The following SAT1 variants were observed in gnomAD, a reference collection of about 807,000 sequenced individuals.
SAT1 encodes the protein spermidine/spermine N1-acetyltransferase 1, also known as diamine acetyltransferase 1.
SAT1 carries 1 observed loss-of-function variant against 14.7 expected under a neutral mutation model. The observed-to-expected ratio is 0.07, with a 90% CI of 0.02 to 0.32. The LOEUF (loss-of-function observed/expected upper bound fraction) is 0.32, where lower values mean the gene tolerates loss of function less well. Ranked by LOEUF, SAT1 falls within the 10% of genes least tolerant of loss-of-function variation. The probability of loss-of-function intolerance (pLI) is 1.00; values close to 1 mark genes in which losing one functional copy is unlikely to be tolerated. For synonymous variants in SAT1, 67 were observed against 46.1 expected, an observed-to-expected ratio of 1.45 and a Z score of -1.84; for missense variants, 77 against 129.1, an observed-to-expected ratio of 0.60 and a Z score of 1.96.
chrX:23,785,447 G>A lies in SAT1; in HGVS notation c.304+18G>A. 1.7e-6 allele frequency: 2 copies of A among 1,164,093 alleles called. No homozygotes were observed. Among genetic ancestry groups the A allele is most frequent in the South Asian group, 3.6e-5 (2 of 55,916 alleles). The stretch of plus-strand genomic sequence containing the variant: ...TTATAGAGGTACGATTGAGTTCGGA[G>A]CAGAGGGTCTGAAGAGAGTTCAGAG... On this transcript the variant is annotated intron_variant, in intron 4 of 5. Transcript: ENST00000379270.
At chrX:23,784,032 A>G in intron 3 of SAT1, 149 bp downstream of exon 3, 1 of 1,139,545 alleles carries the variant, frequency 8.8e-7, no homozygotes, top group South Asian at 2.1e-5. Context: ...TACTGAGGAA[A>G]AAAAAAAATT....
rs191760162 is a variant in SAT1 at position 23,786,072 on chromosome X, G to A, written c.*216G>A. The A allele has an allele frequency of 1.1e-3, 366 of 335,033 alleles. No homozygotes were observed. Among genetic ancestry groups the A allele is most frequent in the Non-Finnish European group, 1.7e-3 (335 of 192,919 alleles). The allele number at this position is 335,033 out of a possible 1,213,427, so 27.6% of individuals were successfully genotyped here. A position where few individuals can be genotyped will look rare whatever the true frequency, so the allele number is the denominator to read the frequency against. Reference sequence around the variant, plus strand: ...AGATCTTTCTCCTTGAATATCTTTCGATAAACAACAAGGTGGTGTGATCTT... The same window carrying A: ...AGATCTTTCTCCTTGAATATCTTTCAATAAACAACAAGGTGGTGTGATCTT... On this transcript the variant is annotated 3_prime_UTR_variant, in exon 6 of 6. Coordinates refer to ENST00000379270, the MANE Select transcript of SAT1 (RefSeq NM_002970.4).
Position 23,785,411 on chromosome X carries a change from G to A in SAT1, c.286G>A (p.Val96Met), listed in dbSNP as rs748119306. ...GKLLYLEDFF[V>M]MSDYRGFGIG... ...GTTATTGTATCTTGAGGACTTCTTCGTGATGAGTGATTATAGAGGTACGAT... is the reference window on the plus strand; with the variant it reads ...GTTATTGTATCTTGAGGACTTCTTCATGATGAGTGATTATAGAGGTACGAT... The change falls in exon 4 of 6, where the codon GTG becomes ATG. Residue 96 changes from valine (V) to methionine (M), a missense_variant. Coordinates refer to ENST00000379270, the MANE Select transcript of SAT1 (RefSeq NM_002970.4). The A allele has an allele frequency of 1.7e-6, 2 of 1,195,785 alleles. No individual in the cohort carries two copies. Among genetic ancestry groups the A allele is most frequent in the South Asian group, 1.8e-5 (1 of 56,662 alleles).
Position 23,785,279 on chromosome X carries a change from T to C in SAT1, c.203-49T>C, listed in dbSNP as rs745994814. 5 of 980,273 alleles carry C rather than the reference T, an allele frequency of 5.1e-6. No homozygotes were observed. In the African/African-American group the frequency reaches 7.6e-5, roughly 15 times the overall value. 80.8% of individuals were successfully genotyped at this position (980,273 alleles called of 1,213,427 possible). A position where few individuals can be genotyped will look rare whatever the true frequency, so the allele number is the denominator to read the frequency against. Reference sequence around the variant, plus strand: ...GCCTCTGATTCTGCAGCTGCAACTTTTATGGAATGTTTTCCTTCTCCACAT... The same window carrying C: ...GCCTCTGATTCTGCAGCTGCAACTTCTATGGAATGTTTTCCTTCTCCACAT... On this transcript the variant is annotated intron_variant, in intron 3 of 5. Transcript: ENST00000379270.
intron 3 of SAT1, 152 bp downstream of exon 3, chrX:23,784,035 A>C: frequency 2.6e-6 from 3 of 1,137,822 alleles, no homozygotes; most frequent in Non-Finnish European, 3.5e-6. Flanking sequence ...TGAGGAAAAA[A>C]AAAAATTAGA....
chrX:23,785,298 T>G (rs1410877278), intron 3 of SAT1, 30 bp from the exon 4 acceptor site: 1 of 1,074,894 alleles, frequency 9.3e-7, no homozygotes, highest in South Asian at 1.9e-5. Flanking sequence ...GTTTTCCTTC[T>G]CCACATCTCA....
intron 3 of SAT1, among the ~76,000 whole-genome samples, chrX:23,784,568 CTTTTTTTT>C (rs9306769): frequency 1.7e-5 from 1 of 60,601 alleles, no homozygotes; most frequent in Non-Finnish European, 2.9e-5. Flanking sequence ...TGTCAGATGC[CTTTTTTTT>C]TTTTTTTTTT....
At chrX:23,785,223 A>G (rs1601856679) in intron 3 of SAT1, 105 bp from the exon 4 acceptor site, 1 of 593,397 alleles carries the variant, frequency 1.7e-6, no homozygotes, top group Admixed American at 2.4e-5. Context: ...TCTGTAATAC[A>G]TGCATGTGTG....
At position 23,785,889 on chromosome X, in the gene SAT1, A is replaced by G; in HGVS notation, c.*33A>G. 1 of 1,100,327 alleles carries G rather than the reference A, an allele frequency of 9.1e-7. No homozygotes were observed. The allele number at this position is 1,100,327 out of a possible 1,213,427, so 90.7% of individuals were successfully genotyped here. On this transcript the variant is annotated 3_prime_UTR_variant, in exon 6 of 6. Transcript: ENST00000379270. ...TGCTGTAGATGACAACCTCCATTCT[A>G]TTTTAGAATAAATTCCCAACTTCTC...
In SAT1 at chrX:23,785,858, G is replaced by GT; in HGVS notation, c.*2_*3insT. 8.5e-7 allele frequency: 1 copy of GT among 1,172,923 alleles called. No homozygotes were observed. Among genetic ancestry groups the GT allele is most frequent in the South Asian group, 1.9e-5 (1 of 51,551 alleles). On this transcript the variant is annotated 3_prime_UTR_variant, in exon 6 of 6. Transcript: ENST00000379270. ...CTAAAAATGGCAACAGAGGAGTGAGGAGTGCTGCTGTAGATGACAACCTCC... is the reference window on the plus strand; with the variant it reads ...CTAAAAATGGCAACAGAGGAGTGAGGTAGTGCTGCTGTAGATGACAACCTCC...
In SAT1 at chrX:23,783,392, G is replaced by T; in HGVS notation, c.41G>T (p.Cys14Phe). Residue 14 changes from cysteine to phenylalanine, a missense_variant, in exon 1 of 6, where the codon TGC becomes TTC. By Grantham distance (205) the Cys-to-Phe change is radical. Coordinates refer to ENST00000379270, the MANE Select transcript of SAT1 (RefSeq NM_002970.4). ...ATCCGCCCAGCCACTGCCGCCGACT[G>T]CAGTGACATACTGCGGCTGATCAAG... is the stretch of plus-strand genomic sequence containing the variant. ...FVIRPATAAD[C>F]SDILRLIKEL... The T allele has an allele frequency of 8.3e-7, 1 of 1,211,084 alleles. No individual in the cohort carries two copies. Among genetic ancestry groups the T allele is most frequent in the Non-Finnish European group, 1.1e-6 (1 of 894,782 alleles).
At position 23,785,780 on chromosome X, in the gene SAT1, A is replaced by T. The variant is rs1229945436; in HGVS notation, c.440A>T (p.Asp147Val). ...TTCTATAAAAGAAGAGGTGCTTCTG[A>T]TCTGTCCAGTGAAGAGGGTTGGAGA... ...INFYKRRGAS[D>V]LSSEEGWRLF... Residue 147 changes from aspartate (D) to valine (V), a missense_variant, in exon 6 of 6, where the codon GAT (aspartate) becomes GTT (valine). Transcript: ENST00000379270. The T allele has an allele frequency of 8.3e-7, 1 of 1,210,093 alleles. No individual in the cohort carries two copies. The highest frequency in any genetic ancestry group is 2.2e-5 in the Admixed American group (1 of 45,874).
chrX:23,785,503 G>T lies in SAT1; in HGVS notation c.305-17G>T. ...AATGCTTACAATGACTTTTTAAATT[G>T]TACTCTTTCTTTTTAGGCTTTGGCA... On this transcript the variant is annotated splice_polypyrimidine_tract_variant and intron_variant, in intron 4 of 5. Coordinates refer to ENST00000379270, the MANE Select transcript of SAT1 (RefSeq NM_002970.4). The T allele has an allele frequency of 8.3e-7, 1 of 1,200,955 alleles. No individual in the cohort carries two copies. Among genetic ancestry groups the T allele is most frequent in the Non-Finnish European group, 1.1e-6 (1 of 885,590 alleles).
chrX:23,783,929 TAAG>T, intron 3 of SAT1, 46 bp downstream of exon 3: 2 of 1,210,922 alleles, frequency 1.7e-6, no homozygotes, highest in Non-Finnish European at 2.2e-6. Context: ...AAGTGTTATG[TAAG>T]AAGTAGTGTC....
intron 3 of SAT1, chrX:23,785,028 C>T (rs1403833179): frequency 9.6e-6 from 3 of 313,148 alleles, no homozygotes; most frequent in African/African-American, 2.6e-5. Flanking sequence ...GTAATGAAAG[C>T]GTTCTCGCTT....
At position 23,785,956 on chromosome X, in the gene SAT1, C is replaced by T. The variant is rs1291445762; in HGVS notation, c.*100C>T. ...TTGTAGTGAAATAATAGAATGAGCA[C>T]CCATTCCAAAGCTTTATTACCAGTG... On this transcript the variant is annotated 3_prime_UTR_variant, in exon 6 of 6. Coordinates refer to ENST00000379270, the MANE Select transcript of SAT1 (RefSeq NM_002970.4). The T allele has an allele frequency of 5.3e-6, 4 of 752,684 alleles. No individual in the cohort carries two copies. The Admixed American group carries it at 1.8e-4, about 34-fold the overall frequency. 62.0% of individuals were successfully genotyped at this position (752,684 alleles called of 1,213,427 possible).
chrX:23,785,387 T>C lies in SAT1; in HGVS notation c.262T>C (p.Leu88=). The stretch of plus-strand genomic sequence containing the variant: ...TACCTATGACCCGTGGATTGGCAAG[T>C]TATTGTATCTTGAGGACTTCTTCGT... ...YFTYDPWIGK[L]LYLEDFFVMS... Residue 88 remains leucine (L), a synonymous_variant, in exon 4 of 6, where the codon TTA becomes CTA. Transcript: ENST00000379270. The C allele has an allele frequency of 8.3e-7, 1 of 1,207,389 alleles. No homozygotes were observed. Among genetic ancestry groups the C allele is most frequent in the Non-Finnish European group, 1.1e-6 (1 of 891,315 alleles).
chrX:23,783,574 C>CCCCCCCAA, intron 1 of SAT1, 84 bp from the exon 2 acceptor site: 1 of 718,038 alleles, frequency 1.4e-6, no homozygotes, highest in Non-Finnish European at 2.0e-6. Context: ...CCCGCCCGCC[C>CCCCCCCAA]GCCCCATTCC....
At position 23,783,384 on chromosome X, in the gene SAT1, C is replaced by T. The variant is rs764882680; in HGVS notation, c.33C>T (p.Ala11=). The T allele has an allele frequency of 1.7e-6, 2 of 1,211,057 alleles. No individual in the cohort carries two copies. Among genetic ancestry groups the T allele is most frequent in the Non-Finnish European group, 1.1e-6 (1 of 894,845 alleles). ...AATTCGTGATCCGCCCAGCCACTGC[C>T]GCCGACTGCAGTGACATACTGCGGC... The part of the protein sequence containing the change: MAKFVIRPAT[A]ADCSDILRLI... The change falls in exon 1 of 6, where the codon GCC becomes GCT. Residue 11 remains alanine, a synonymous_variant. Coordinates refer to ENST00000379270, the MANE Select transcript of SAT1 (RefSeq NM_002970.4).
Sources: gnomAD v4.1 joint callset for allele counts (sites outside exome capture counted in the v4.1 genomes callset) on GRCh38, gnomAD v4.1.1 for gene constraint, MANE v1.5 for transcripts, NCBI Gene and HGNC (gene_info 2026-07-23, HGNC 2026-07-21) for gene names.